The following KLHL5 variants were observed in gnomAD, a reference collection of about 807,000 sequenced individuals.
The protein encoded by KLHL5 is kelch-like protein 5.
Under a neutral mutation model 77.7 loss-of-function variants are expected in KLHL5, and 48 were observed. That is an observed-to-expected ratio of 0.62 (90% confidence interval 0.49 to 0.79). The LOEUF (loss-of-function observed/expected upper bound fraction) is 0.79. Ranked by LOEUF, KLHL5 falls within the 30% of genes least tolerant of loss-of-function variation. The pLI, the probability that KLHL5 is intolerant of heterozygous loss-of-function variation, is 0.00. For missense variants in KLHL5, 723 were observed against 859.7 expected, an observed-to-expected ratio of 0.84 and a Z score of 1.99; for synonymous variants, 260 against 297.0, an observed-to-expected ratio of 0.88 and a Z score of 1.28.
At chr4:39,105,170 A>T (rs529980288) in intron 7 of KLHL5, among the ~76,000 whole-genome samples, 1 of 149,474 alleles carries the variant, frequency 6.7e-6, no homozygotes, top group East Asian at 1.9e-4. Context: ...TTTTTGAGAC[A>T]GGTTCTTGCT....
intron 1 of KLHL5, chr4:39,063,795 T>C (rs1717642467): frequency 1.1e-5 from 2 of 177,054 alleles, no homozygotes; most frequent in Non-Finnish European, 2.5e-5. Flanking sequence ...AGGAAAAAAA[T>C]AGGTAATTTC....
the KLHL5 span, among the ~76,000 whole-genome samples, chr4:39,141,304 CTTTTTTTTTTT>C: frequency 1.3e-5 from 1 of 75,622 alleles, no homozygotes; most frequent in Admixed American, 1.8e-4. Context: ...ATTTTTTAGT[CTTTTTTTTTTT>C]TTTTTTTTTT....
chr4:39,067,707 A>C (rs1718025343), intron 1 of KLHL5, among the ~76,000 whole-genome samples: 1 of 143,596 alleles, frequency 7.0e-6, no homozygotes, highest in African/African-American at 2.6e-5. Context: ...ACAAAGTCTC[A>C]CTCTGTCACC....
Position 39,062,239 on chromosome 4 carries a change from C to T in KLHL5, c.-414C>T, listed in dbSNP as rs914360161. ...AGCAGCAGAGACTGAGATACTGCAA[C>T]GGGGATAGTGTTTTCTGTCTCTGTC... is the stretch of plus-strand genomic sequence containing the variant. On this transcript the variant is annotated 5_prime_UTR_variant, in exon 1 of 11. In the 5' UTR this introduces an upstream ATG that the reference lacks. Transcript: ENST00000504108. 25 of 1,239,486 alleles carry T rather than the reference C, an allele frequency of 2.0e-5. No homozygotes were observed. The highest frequency in any genetic ancestry group is 8.1e-5 in the Admixed American group (2 of 24,778). 76.8% of individuals were successfully genotyped at this position (1,239,486 alleles called of 1,614,324 possible). A position where few individuals can be genotyped will look rare whatever the true frequency, so the allele number is the denominator to read the frequency against.
At chr4:39,055,116 A>C (rs1223019120) in intron 1 of KLHL5, among the ~76,000 whole-genome samples, 1 of 152,228 alleles carries the variant, frequency 6.6e-6, no homozygotes, top group Non-Finnish European at 1.5e-5. Context: ...AGACTAGGGA[A>C]AAAGTCATCA....
At position 39,101,859 on chromosome 4, in the gene KLHL5, A is replaced by AATATATAT. The variant is rs1553892986; in HGVS notation, c.1301-1416_1301-1409dup. 1.4e-4 allele frequency among the ~76,000 whole-genome samples: 15 copies of AATATATAT among 104,772 alleles called. No individual in the cohort carries two copies. The East Asian group carries it at 3.6e-3, about 25-fold the overall frequency. 68.7% of individuals were successfully genotyped at this position (104,772 alleles called of 152,430 possible). A position where few individuals can be genotyped will look rare whatever the true frequency, so the allele number is the denominator to read the frequency against. ...ACAGTCTGTCTCAAAAAAAAAAAAA[A>AATATATAT]ATATATATATATATATATACACACA... is the stretch of plus-strand genomic sequence containing the variant. On this transcript the variant is annotated intron_variant, in intron 6 of 10. Coordinates refer to ENST00000504108, the MANE Select transcript of KLHL5 (RefSeq NM_015990.5).
At chr4:39,115,691 C>T (rs1426114107) in intron 10 of KLHL5, 2 of 1,238,748 alleles carry the variant, frequency 1.6e-6, no homozygotes, top group Non-Finnish European at 1.0e-6. Context: ...GAACAACTTG[C>T]CCATGTGTGA....
chr4:39,053,563 A>AT (rs1296644188), intron 1 of KLHL5, among the ~76,000 whole-genome samples: 8 of 152,206 alleles, frequency 5.3e-5, no homozygotes, highest in African/African-American at 1.7e-4. Flanking sequence ...GTTTTCCATC[A>AT]TTTTTTTAAT....
At chr4:39,100,877 T>C (rs1026373784) in intron 6 of KLHL5, among the ~76,000 whole-genome samples, 3 of 152,084 alleles carry the variant, frequency 2.0e-5, no homozygotes, top group Non-Finnish European at 4.4e-5. Context: ...ATCTTTGTAA[T>C]GAAGAGCAGT....
At position 39,121,175 on chromosome 4, in the gene KLHL5, GC is replaced by G. The variant is rs1361493172; in HGVS notation, c.*110del. ...TAAATGTGCATTGTCACAATCCTGG[GC>G]ACAAAGTGCCTGATGTCAAAATGAA... On this transcript the variant is annotated 3_prime_UTR_variant, in exon 11 of 11. Coordinates refer to ENST00000504108, the MANE Select transcript of KLHL5 (RefSeq NM_015990.5). 1.5e-5 allele frequency: 13 copies of G among 842,506 alleles called. No homozygotes were observed. The highest frequency in any genetic ancestry group is 2.3e-5 in the Non-Finnish European group (12 of 511,856). 52.2% of individuals were successfully genotyped at this position (842,506 alleles called of 1,614,324 possible). A position where few individuals can be genotyped will look rare whatever the true frequency, so the allele number is the denominator to read the frequency against.
upstream of KLHL5, chr4:39,044,855 C>T: frequency 1.3e-6 from 1 of 747,114 alleles, no homozygotes; most frequent in Non-Finnish European, 1.6e-6. Context: ...ACCTACTCGC[C>T]CGCCCCCTCC....
At chr4:39,045,043 C>T in exon 1 of KLHL5, 1 of 993,242 alleles carries the variant, frequency 1.0e-6, no homozygotes, top group Non-Finnish European at 1.2e-6. Flanking sequence ...CCGCTCCTCC[C>T]GCCTGGCCGC....
the KLHL5 span, among the ~76,000 whole-genome samples, chr4:39,139,502 A>ATG: frequency 6.6e-6 from 1 of 152,070 alleles, no homozygotes. Flanking sequence ...AACTCACAGA[A>ATG]TGTACCACAC....
chr4:39,099,630 T>C (rs1721371178), intron 6 of KLHL5, among the ~76,000 whole-genome samples: 2 of 152,220 alleles, frequency 1.3e-5, no homozygotes. Flanking sequence ...CCCCCGGATA[T>C]TGAAGTACCT....
At chr4:39,097,992 A>G (rs1446782522) in intron 6 of KLHL5, among the ~76,000 whole-genome samples, 2 of 151,676 alleles carry the variant, frequency 1.3e-5, no homozygotes, top group African/African-American at 4.8e-5. Flanking sequence ...AATTAGCCCA[A>G]CAATGGTGGT....
rs116802947 is a variant in KLHL5, at chr4:39,069,590, T to C, written c.384-6375T>C. Among the ~76,000 whole-genome samples the C allele has an allele frequency of 7.9e-3, 1,148 of 145,178 alleles. 20 individuals are homozygous for C. The highest frequency in any genetic ancestry group is 0.029 in the African/African-American group (1,103 of 38,596). On this transcript the variant is annotated intron_variant, in intron 1 of 10. Transcript: ENST00000504108. Reference sequence around the variant, plus strand: ...TATAAACCATAGAGCCATCAGAAAATAGAGATAAGTAAAAATGAAAAAAGT... The same window carrying C: ...TATAAACCATAGAGCCATCAGAAAACAGAGATAAGTAAAAATGAAAAAAGT...
intron 2 of KLHL5, among the ~76,000 whole-genome samples, chr4:39,079,402 T>C (rs970925886): frequency 5.9e-5 from 9 of 152,176 alleles, no homozygotes; most frequent in Non-Finnish European, 7.4e-5. Context: ...GTCCTATTGG[T>C]CTCTGTCTTG....
intron 5 of KLHL5, among the ~76,000 whole-genome samples, chr4:39,093,949 A>G (rs1460966306): frequency 6.6e-6 from 1 of 152,158 alleles, no homozygotes; most frequent in East Asian, 1.9e-4. Context: ...TTTATTGAAT[A>G]TAATAAAAAT....
Position 39,115,173 on chromosome 4 carries a change from C to T in KLHL5, c.1916C>T (p.Thr639Ile). The part of the protein sequence containing the change: ...SDCVERYDPK[T>I]DMWTAVASMS... ...TTTTCTTACAGATATGATCCCAAAA[C>T]AGACATGTGGACTGCAGTAGCATCC... The change falls in exon 10 of 11, where the codon ACA becomes ATA. Residue 639 changes from threonine to isoleucine, a missense_variant. By Grantham distance (89) the Thr-to-Ile change is moderately conservative. Transcript: ENST00000504108. 6.2e-7 allele frequency: 1 copy of T among 1,606,028 alleles called. No homozygotes were observed. The highest frequency in any genetic ancestry group is 8.5e-7 in the Non-Finnish European group (1 of 1,178,102).
Sources: allele counts gnomAD v4.1 joint callset (sites outside exome capture counted in the v4.1 genomes callset), GRCh38; gene constraint gnomAD v4.1.1; transcripts MANE v1.5; gene names NCBI Gene and HGNC (gene_info 2026-07-23, HGNC 2026-07-21).